The following CDHR3 variants were observed in gnomAD, a reference collection of about 807,000 sequenced individuals.
CDHR3 encodes cadherin-related family member 3.
Under a neutral mutation model 86.6 loss-of-function variants are expected in CDHR3, and 79 were observed. The ratio of observed to expected loss-of-function variants is 0.91; its 90% CI spans 0.76 to 1.10. The LOEUF (loss-of-function observed/expected upper bound fraction) is 1.10, where lower values mean the gene tolerates loss of function less well. CDHR3 is among the 50% of genes least tolerant of loss of function. CDHR3 has a pLI of 0.00. For missense variants in CDHR3, 1,081 were observed against 1,077.6 expected, an observed-to-expected ratio of 1.00 and a Z score of -0.04; for synonymous variants, 421 against 402.4, an observed-to-expected ratio of 1.05 and a Z score of -0.55.
chr7:105,996,383 G>C (rs760874555), intron 6 of CDHR3, 29 bp downstream of exon 6: 5 of 1,385,220 alleles, frequency 3.6e-6, no homozygotes, highest in Middle Eastern at 1.8e-4. Context: ...AGGACTCCCT[G>C]GGCCGCAGGT....
chr7:106,020,227 A>G, intron 12 of CDHR3, 146 bp from the exon 13 acceptor site: 1 of 693,868 alleles, frequency 1.4e-6, no homozygotes, highest in South Asian at 2.0e-5. Context: ...TTTTCTCACC[A>G]TAAAATGGGA....
In CDHR3 at chr7:106,015,159, A is replaced by G. The variant is rs759803962; in HGVS notation, c.1273A>G (p.Asn425Asp). The G allele has an allele frequency of 6.5e-5, 104 of 1,611,796 alleles. 1 individual carries two copies. In the Admixed American group the frequency reaches 1.3e-3, roughly 21 times the overall value. Residue 425 changes from asparagine to aspartate, a missense_variant, in exon 10 of 19, where the codon AAT becomes GAT. Transcript: ENST00000317716. Reference sequence around the variant, plus strand: ...AAATCCAAGTAACCTAGCAGCCGGCAATAAATATACGGTGATAATCCAGGT... The same window carrying G: ...AAATCCAAGTAACCTAGCAGCCGGCGATAAATATACGGTGATAATCCAGGT... Reference protein sequence around the residue: ...YENPSNLAAGNKYTVIIQVQD... With the variant: ...YENPSNLAAGDKYTVIIQVQD...
chr7:105,967,013 G>T (rs1253614578), intron 1 of CDHR3, among the ~76,000 whole-genome samples: 1 of 151,216 alleles, frequency 6.6e-6, no homozygotes, highest in African/African-American at 2.4e-5. Context: ...GTTCAGGTTT[G>T]TTACATATGT....
intron 1 of CDHR3, among the ~76,000 whole-genome samples, chr7:105,964,946 A>G (rs942102580): frequency 3.3e-5 from 5 of 152,202 alleles, no homozygotes; most frequent in African/African-American, 1.2e-4. Context: ...TAGGGCCACA[A>G]TCATTTGAGT....
intron 17 of CDHR3, 54 bp downstream of exon 17, chr7:106,028,636 C>T: frequency 3.1e-6 from 5 of 1,600,338 alleles, no homozygotes; most frequent in Non-Finnish European, 4.3e-6. Context: ...ATAGGGGCTC[C>T]CGTCTCCCCC....
chr7:106,007,515 ATC>A (rs1465607150), intron 8 of CDHR3, among the ~76,000 whole-genome samples: 1 of 152,198 alleles, frequency 6.6e-6, no homozygotes, highest in African/African-American at 2.4e-5. Flanking sequence ...ACTCTAAATC[ATC>A]TCTCTCAAGT....
rs140640366 is a variant in CDHR3 at position 106,028,940 on chromosome 7, C to T, written c.2304+358C>T. On this transcript the variant is annotated intron_variant, in intron 17 of 18. Coordinates refer to ENST00000317716, the MANE Select transcript of CDHR3 (RefSeq NM_152750.5). ...ATTTTCTTTCTTTCTTTCTTTCTTT[C>T]TTTCTTTCTTTCTTTCTTTCTTTCT... Among the ~76,000 whole-genome samples, 536 of 133,772 alleles carry T rather than the reference C, an allele frequency of 4.0e-3. 4 individuals carry two copies. Among genetic ancestry groups the T allele is most frequent in the African/African-American group, 0.015 (503 of 33,234 alleles). The allele number at this position is 133,772 out of a possible 152,430, so 87.8% of individuals were successfully genotyped here.
chr7:105,966,995 T>G (rs564847092), intron 1 of CDHR3, among the ~76,000 whole-genome samples: 7 of 152,036 alleles, frequency 4.6e-5, no homozygotes, highest in Non-Finnish European at 7.4e-5. Context: ...AGGGTACAGG[T>G]GCACAATGTT....
At chr7:106,001,682 T>C in intron 7 of CDHR3, 72 bp downstream of exon 7, 2 of 1,577,064 alleles carry the variant, frequency 1.3e-6, no homozygotes, top group Non-Finnish European at 1.7e-6. Flanking sequence ...AATGTAGTTG[T>C]CCCTCGTTAC....
chr7:106,000,899 C>CAAAAAAAAAA (rs35254288), intron 6 of CDHR3, among the ~76,000 whole-genome samples: 1 of 90,726 alleles, frequency 1.1e-5, no homozygotes, highest in African/African-American at 4.0e-5. Flanking sequence ...TATCCTCAGG[C>CAAAAAAAAAA]AAAAAAAAAA....
rs1836380715 is a variant in CDHR3, at chr7:106,020,402, T to C, written c.1683T>C (p.Asp561=). ...TVTVNILEEN[D]EKPICTPNSY... ...CTGTGAACATCCTTGAAGAAAATGA[T>C]GAAAAGCCAATTTGTACTCCAAACT... Residue 561 remains aspartate (D), a synonymous_variant, in exon 13 of 19, where the codon GAT becomes GAC. Transcript: ENST00000317716. 1 of 1,613,390 alleles carries C rather than the reference T, an allele frequency of 6.2e-7. No individual in the cohort carries two copies. The highest frequency in any genetic ancestry group is 8.5e-7 in the Non-Finnish European group (1 of 1,179,636).
chr7:105,993,506 CA>C (rs143086518), intron 4 of CDHR3, among the ~76,000 whole-genome samples: 20,654 of 148,894 alleles, frequency 0.14, 1,532 homozygotes, highest in African/African-American at 0.18. Flanking sequence ...CCTGTCTCTA[CA>C]AAAAAAAATA....
At chr7:105,975,277 G>A (rs1828629206) in intron 2 of CDHR3, among the ~76,000 whole-genome samples, 1 of 152,154 alleles carries the variant, frequency 6.6e-6, no homozygotes. Context: ...TGCTCAATGT[G>A]TTGCAAATAG....
intron 4 of CDHR3, among the ~76,000 whole-genome samples, chr7:105,993,836 T>C (rs368796662): frequency 2.6e-4 from 39 of 152,306 alleles, no homozygotes; most frequent in African/African-American, 9.1e-4. Flanking sequence ...ATGGTCTTCC[T>C]ATGGGCTCAC....
intron 13 of CDHR3, 78 bp downstream of exon 13, chr7:106,020,622 C>A (rs1836423429): frequency 6.7e-7 from 1 of 1,490,432 alleles, no homozygotes; most frequent in African/African-American, 1.4e-5. Context: ...TCTGTGCTCA[C>A]ACACTGATCT....
chr7:106,027,224 C>T (rs1433980727), intron 16 of CDHR3, among the ~76,000 whole-genome samples: 3 of 151,870 alleles, frequency 2.0e-5, no homozygotes, highest in African/African-American at 7.3e-5. Flanking sequence ...GTGAAACCCC[C>T]GTCTCTACTA....
At position 105,984,281 on chromosome 7, in the gene CDHR3, C is replaced by A. The variant is rs747924083; in HGVS notation, c.505C>A (p.Pro169Thr). Residue 169 changes from proline (P) to threonine (T), a missense_variant, in exon 4 of 19, where the codon CCC becomes ACC. Coordinates refer to ENST00000317716, the MANE Select transcript of CDHR3 (RefSeq NM_152750.5). ...TCCAGAAGACACAAGCCGAAACATT[C>A]CCCTCAGTGTAAGTGTCCTTATATG... Reference protein sequence around the residue: ...FDPEDTSRNIPLSYFLISPPK... With the variant: ...FDPEDTSRNITLSYFLISPPK... The A allele has an allele frequency of 1.2e-6, 2 of 1,609,518 alleles. No individual in the cohort carries two copies. Among genetic ancestry groups the A allele is most frequent in the Non-Finnish European group, 1.7e-6 (2 of 1,177,004 alleles).
chr7:105,997,434 T>C (rs1363269461), intron 6 of CDHR3, among the ~76,000 whole-genome samples: 1 of 152,234 alleles, frequency 6.6e-6, no homozygotes, highest in Non-Finnish European at 1.5e-5. Context: ...TATGTAATGC[T>C]TTCCATCAGC....
At chr7:106,028,614 A>T (rs374116679) in intron 17 of CDHR3, 32 bp downstream of exon 17, 765 of 1,613,004 alleles carry the variant, frequency 4.7e-4, no homozygotes, top group Non-Finnish European at 5.0e-4. Context: ...CACCAGGCAT[A>T]GACGCTGGGG....
Sources: gnomAD v4.1 joint callset for allele counts (sites outside exome capture counted in the v4.1 genomes callset) on GRCh38, gnomAD v4.1.1 for gene constraint, MANE v1.5 for transcripts, NCBI Gene and HGNC (gene_info 2026-07-23, HGNC 2026-07-21) for gene names.